Variants in ALG5 observed in about 807,000 individuals in gnomAD.
The protein encoded by ALG5 is dolichyl-phosphate beta-glucosyltransferase.
Under a neutral mutation model 51.8 loss-of-function variants are expected in ALG5, and 26 were observed. That is an observed-to-expected ratio of 0.50 (90% CI 0.37 to 0.70). The LOEUF (loss-of-function observed/expected upper bound fraction) is 0.70. Among genes scored for constraint, ALG5 ranks in the 30% least tolerant of loss-of-function variants. ALG5 has a pLI of 0.00. For missense variants in ALG5, 311 were observed against 399.3 expected (o/e 0.78, Z 1.88); for synonymous variants, 141 against 136.1 (o/e 1.04, Z -0.25).
intron 7 of ALG5, among the ~76,000 whole-genome samples, chr13:36,971,118 A>T (rs2058920873): frequency 1.3e-5 from 2 of 152,130 alleles, no homozygotes; most frequent in African/African-American, 4.8e-5. Flanking sequence ...GACCTGGGAA[A>T]TTGTTACTCT....
chr13:36,975,083 C>T (rs560251613), intron 6 of ALG5, among the ~76,000 whole-genome samples: 58 of 152,146 alleles, frequency 3.8e-4, no homozygotes, highest in Non-Finnish European at 5.6e-4. Context: ...TGGTGGCATG[C>T]GCCTGTAGTC....
intron 7 of ALG5, among the ~76,000 whole-genome samples, chr13:36,971,472 C>T (rs1403371626): frequency 2.6e-5 from 4 of 151,742 alleles, no homozygotes; most frequent in Non-Finnish European, 5.9e-5. Flanking sequence ...CACAGTGAAA[C>T]CCTGTCTCTA....
At chr13:36,951,957 T>C (rs1205329102) in intron 9 of ALG5, among the ~76,000 whole-genome samples, 2 of 152,180 alleles carry the variant, frequency 1.3e-5, no homozygotes, top group Non-Finnish European at 2.9e-5. Flanking sequence ...GCCATCTTTT[T>C]GTATTTTTTA....
intron 1 of ALG5, chr13:36,999,031 GAT>G (rs2059068995): frequency 4.5e-6 from 2 of 439,882 alleles, no homozygotes; most frequent in Admixed American, 8.8e-5. Context: ...CACACAAAGA[GAT>G]AAGATTCCAA....
chr13:36,988,654 C>A (rs1019945253), intron 5 of ALG5, among the ~76,000 whole-genome samples: 5 of 152,202 alleles, frequency 3.3e-5, no homozygotes, highest in African/African-American at 1.2e-4. Flanking sequence ...ACTAATATTA[C>A]CCAACTCATA....
intron 8 of ALG5, among the ~76,000 whole-genome samples, chr13:36,957,424 G>A (rs1328811663): frequency 3.3e-5 from 5 of 151,944 alleles, no homozygotes; most frequent in Admixed American, 6.6e-5. Context: ...TCCCAGATTC[G>A]GACTTCCCTG....
At chr13:36,957,706 C>T (rs1566057235) in intron 8 of ALG5, among the ~76,000 whole-genome samples, 1 of 152,192 alleles carries the variant, frequency 6.6e-6, no homozygotes, top group African/African-American at 2.4e-5. Flanking sequence ...GCTGTATAGA[C>T]AGCCACTCCT....
chr13:36,975,120 AG>A (rs2058944398), intron 6 of ALG5, among the ~76,000 whole-genome samples: 1 of 152,176 alleles, frequency 6.6e-6, no homozygotes, highest in Non-Finnish European at 1.5e-5. Flanking sequence ...TTGCGGCAGG[AG>A]AATTGCTTGA....
chr13:36,972,202 G>A (rs1421998898), intron 6 of ALG5, among the ~76,000 whole-genome samples, 166 bp from the exon 7 acceptor site: 1 of 152,104 alleles, frequency 6.6e-6, no homozygotes, highest in African/African-American at 2.4e-5. Context: ...ACTTTGAGAA[G>A]CCTAATCATA....
chr13:36,991,585 C>A (rs2059025613), intron 4 of ALG5, among the ~76,000 whole-genome samples: 1 of 152,138 alleles, frequency 6.6e-6, no homozygotes, highest in Non-Finnish European at 1.5e-5. Flanking sequence ...AGGGGATGAA[C>A]CATGATTGGT....
intron 2 of ALG5, 94 bp downstream of exon 2, chr13:36,995,331 T>C (rs1200018772): frequency 4.6e-6 from 6 of 1,308,742 alleles, no homozygotes; most frequent in Non-Finnish European, 6.4e-6. Context: ...CCCACATCTA[T>C]TAATGTTTTG....
chr13:36,987,352 T>C (rs2059006593), intron 5 of ALG5, among the ~76,000 whole-genome samples: 1 of 152,166 alleles, frequency 6.6e-6, no homozygotes, highest in Non-Finnish European at 1.5e-5. Context: ...CCCCTCCAAA[T>C]TTCATATTGC....
chr13:36,969,148 T>C (rs1050291853), intron 7 of ALG5, among the ~76,000 whole-genome samples: 2 of 152,212 alleles, frequency 1.3e-5, no homozygotes, highest in African/African-American at 4.8e-5. Context: ...GGTAAAAGAT[T>C]TAGACCATAG....
intron 3 of ALG5, 77 bp from the exon 4 acceptor site, chr13:36,993,749 A>T: frequency 8.8e-7 from 1 of 1,141,398 alleles, no homozygotes; most frequent in Non-Finnish European, 1.3e-6. Flanking sequence ...CCAGTAATTT[A>T]AAAAACAACT....
rs190294571 is a variant in ALG5, at chr13:36,971,480, C to T, written c.621+497G>A. The stretch of plus-strand genomic sequence containing the variant: ...TGGGCAACACAGTGAAACCCTGTCT[C>T]TACCAAAATACAAAATCATAGCCAG... On this transcript the variant is annotated intron_variant, in intron 7 of 9. Coordinates refer to ENST00000239891, the MANE Select transcript of ALG5 (RefSeq NM_013338.5). 2.6e-5 allele frequency among the ~76,000 whole-genome samples: 4 copies of T among 151,902 alleles called. No individual in the cohort carries two copies. In the East Asian group the frequency reaches 7.8e-4, roughly 30 times the overall value.
chr13:36,962,034 C>T (rs763412363), intron 8 of ALG5, among the ~76,000 whole-genome samples: 25 of 152,108 alleles, frequency 1.6e-4, no homozygotes, highest in Admixed American at 5.9e-4. Flanking sequence ...GTGATCCACC[C>T]GCTTCGGCCT....
rs1479181427 is a variant in ALG5, at chr13:36,969,544, T to G, written c.621+2433A>C. On this transcript the variant is annotated intron_variant, in intron 7 of 9. Coordinates refer to ENST00000239891, the MANE Select transcript of ALG5 (RefSeq NM_013338.5). Reference sequence around the variant, plus strand: ...TATTTTATTTATTTATTTATTTATTTTTTTGAGGAGGAGGTGTCTTACTCT... The same window carrying G: ...TATTTTATTTATTTATTTATTTATTGTTTTGAGGAGGAGGTGTCTTACTCT... Among the ~76,000 whole-genome samples the G allele has an allele frequency of 3.3e-5, 5 of 152,120 alleles. No homozygotes were observed. The East Asian group carries it at 9.6e-4, about 29-fold the overall frequency.
chr13:36,962,067 C>T (rs1437430106), intron 8 of ALG5, among the ~76,000 whole-genome samples: 1 of 152,078 alleles, frequency 6.6e-6, no homozygotes, highest in Non-Finnish European at 1.5e-5. Context: ...GGATTACAGG[C>T]GTGAGCCACT....
At chr13:36,962,817 A>T (rs1020789360) in intron 8 of ALG5, among the ~76,000 whole-genome samples, 8 of 152,214 alleles carry the variant, frequency 5.3e-5, no homozygotes, top group South Asian at 2.1e-4. Context: ...GCTAGTCTGA[A>T]TTGAGATGTG....
Sources: allele counts gnomAD v4.1 joint callset (sites outside exome capture counted in the v4.1 genomes callset), GRCh38; gene constraint gnomAD v4.1.1; transcripts MANE v1.5; gene names NCBI Gene and HGNC (gene_info 2026-07-23, HGNC 2026-07-21).